Variants in CDH2 observed in about 807,000 individuals in gnomAD.
The protein encoded by CDH2 is cadherin 2, also known as cadherin-2.
In CDH2, 17 loss-of-function variants were observed where a neutral mutation model predicts 92.0. The observed-to-expected ratio is 0.18, with a 90% CI of 0.13 to 0.28. The LOEUF is 0.28. CDH2 is among the 10% of genes least tolerant of loss of function. The pLI is 1.00. For missense variants in CDH2, 862 were observed against 1,133.1 expected, an observed-to-expected ratio of 0.76 and a Z score of 3.44; for synonymous variants, 419 against 415.9, an observed-to-expected ratio of 1.01 and a Z score of -0.09.
At chr18:28,138,249 G>T (rs1175618700) in intron 2 of CDH2, among the ~76,000 whole-genome samples, 1 of 151,888 alleles carries the variant, frequency 6.6e-6, no homozygotes, top group African/African-American at 2.4e-5. Context: ...CAACCAAAAG[G>T]TCTAACATTT....
At chr18:27,965,711 G>GA (rs2011516359) in intron 14 of CDH2, among the ~76,000 whole-genome samples, 1 of 152,044 alleles carries the variant, frequency 6.6e-6, no homozygotes, top group Non-Finnish European at 1.5e-5. Context: ...TGCTATACAC[G>GA]ACAAAAAGAG....
intron 2 of CDH2, among the ~76,000 whole-genome samples, chr18:28,079,167 G>C (rs2014781067): frequency 6.6e-6 from 1 of 152,152 alleles, no homozygotes; most frequent in African/African-American, 2.4e-5. Flanking sequence ...CATTTCTCAA[G>C]ATAAAGCTGT....
In CDH2 at chr18:27,951,463, C is replaced by T. The variant is rs1465259907; in HGVS notation, c.*690G>A. ...ACATTATGTACACATACTATTTTTACAGTGAAGTGGAAAAATACAGAAATA... is the reference window on the plus strand; with the variant it reads ...ACATTATGTACACATACTATTTTTATAGTGAAGTGGAAAAATACAGAAATA... On this transcript the variant is annotated 3_prime_UTR_variant, in exon 16 of 16. Transcript: ENST00000269141. The T allele has an allele frequency of 6.6e-6, 1 of 152,184 alleles. No individual in the cohort carries two copies. The highest frequency in any genetic ancestry group is 1.5e-5 in the Non-Finnish European group (1 of 68,002). 9.4% of individuals were successfully genotyped at this position (152,184 alleles called of 1,614,324 possible). A position where few individuals can be genotyped will look rare whatever the true frequency, so the allele number is the denominator to read the frequency against.
intron 14 of CDH2, among the ~76,000 whole-genome samples, chr18:27,971,753 T>C (rs2011666467): frequency 6.6e-6 from 1 of 152,132 alleles, no homozygotes; most frequent in Non-Finnish European, 1.5e-5. Context: ...TTGGTAAAAA[T>C]GAATGAATAA....
chr18:28,086,590 A>G (rs1219091657), intron 2 of CDH2, among the ~76,000 whole-genome samples: 1 of 152,142 alleles, frequency 6.6e-6, no homozygotes, highest in African/African-American at 2.4e-5. Flanking sequence ...CTCTGGGGAC[A>G]CTGACCATGG....
At chr18:28,100,249 G>A (rs937999593) in intron 2 of CDH2, among the ~76,000 whole-genome samples, 9 of 152,324 alleles carry the variant, frequency 5.9e-5, no homozygotes, top group Admixed American at 3.3e-4. Flanking sequence ...TAATGTGGGT[G>A]AGGTTCATCC....
At chr18:28,066,376 A>AT (rs1319026319) in intron 2 of CDH2, among the ~76,000 whole-genome samples, 2 of 152,146 alleles carry the variant, frequency 1.3e-5, no homozygotes, top group African/African-American at 2.4e-5. Context: ...GTATTTTTAG[A>AT]TTTTAAGGTT....
chr18:28,116,300 T>C (rs531328973), intron 2 of CDH2, among the ~76,000 whole-genome samples: 12 of 152,328 alleles, frequency 7.9e-5, no homozygotes, highest in Non-Finnish European at 1.6e-4. Context: ...CTAGGCAAGA[T>C]AGTTTAATAA....
chr18:28,139,218 C>T (rs897475217), intron 2 of CDH2, among the ~76,000 whole-genome samples: 1 of 151,842 alleles, frequency 6.6e-6, no homozygotes, highest in South Asian at 2.1e-4. Flanking sequence ...TTTTTAAAAC[C>T]TCCTTGATCT....
chr18:28,011,982 T>A lies in CDH2; in HGVS notation c.410A>T (p.Glu137Val), dbSNP rs1396498254. The A allele has an allele frequency of 6.2e-7, 1 of 1,613,600 alleles. No homozygotes were observed. The highest frequency in any genetic ancestry group is 1.3e-5 in the African/African-American group (1 of 75,022). ...LTEESVKESA[E>V]VEEIVFPRQF... is the part of the protein sequence containing the mutation. ...TCTTGGGAACACTATTTCTTCAACT[T>A]CTGCTGACTCCTTTACATTAAAATA... is the stretch of plus-strand genomic sequence containing the variant. Residue 137 changes from glutamate (E) to valine (V), a missense_variant, in exon 4 of 16, where the codon GAA (glutamate) becomes GTA (valine). Transcript: ENST00000269141.
chr18:28,175,457 G>T (rs1296970332), intron 1 of CDH2, among the ~76,000 whole-genome samples: 1 of 152,186 alleles, frequency 6.6e-6, no homozygotes, highest in Non-Finnish European at 1.5e-5. Context: ...AGCACGACCC[G>T]GGAGGAGAGC....
At chr18:28,131,173 T>A (rs2015763233) in intron 2 of CDH2, among the ~76,000 whole-genome samples, 1 of 152,214 alleles carries the variant, frequency 6.6e-6, no homozygotes, top group East Asian at 1.9e-4. Flanking sequence ...TTGAAAGTTA[T>A]AATTCCCTTA....
At chr18:27,961,450 T>G (rs2011401776) in intron 15 of CDH2, among the ~76,000 whole-genome samples, 1 of 151,974 alleles carries the variant, frequency 6.6e-6, no homozygotes, top group South Asian at 2.1e-4. Flanking sequence ...AGAGAAATGT[T>G]TTGGCTGAAT....
chr18:28,092,427 C>T (rs2015052964), intron 2 of CDH2, among the ~76,000 whole-genome samples: 1 of 151,878 alleles, frequency 6.6e-6, no homozygotes, highest in Non-Finnish European at 1.5e-5. Context: ...AAAAGTAGCA[C>T]ACATAATTTT....
chr18:28,003,132 G>A lies in CDH2; in HGVS notation c.885C>T (p.Asp295=), dbSNP rs17493618. The change falls in exon 7 of 16, where the codon GAC becomes GAT. Residue 295 remains aspartate (D), a synonymous_variant. Coordinates refer to ENST00000269141, the MANE Select transcript of CDH2 (RefSeq NM_001792.5). ...YVMTVTAIDA[D]DPNALNGMLR... is the part of the protein sequence containing the mutation. ...ACATCCCATTGAGGGCATTGGGATC[G>A]TCAGCATCAATTGCTGTTACGGTCA... 899 of 1,613,740 alleles carry A rather than the reference G, an allele frequency of 5.6e-4. 6 individuals carry two copies. The African/African-American group carries it at 1.0e-2, about 18-fold the overall frequency.
intron 2 of CDH2, among the ~76,000 whole-genome samples, chr18:28,058,143 A>G (rs898880150): frequency 2.0e-5 from 3 of 152,238 alleles, no homozygotes; most frequent in African/African-American, 7.2e-5. Flanking sequence ...TGGTTGGATC[A>G]AAGCAGTACA....
rs762052700 is a variant in CDH2 at position 27,995,186 on chromosome 18, C to T, written c.1021-1549G>A. Among the ~76,000 whole-genome samples, 12 of 151,694 alleles carry T rather than the reference C, an allele frequency of 7.9e-5. No homozygotes were observed. The East Asian group carries it at 1.4e-3, about 17-fold the overall frequency. Reference sequence around the variant, plus strand: ...AAAATTAGCCAGGCGTGGTGGTGGGCGCCTGAAATCCCAGCTACTCGGGAG... The same window carrying T: ...AAAATTAGCCAGGCGTGGTGGTGGGTGCCTGAAATCCCAGCTACTCGGGAG... On this transcript the variant is annotated intron_variant, in intron 7 of 15. Coordinates refer to ENST00000269141, the MANE Select transcript of CDH2 (RefSeq NM_001792.5).
At chr18:28,072,125 T>G (rs1365659128) in intron 2 of CDH2, among the ~76,000 whole-genome samples, 1 of 152,122 alleles carries the variant, frequency 6.6e-6, no homozygotes, top group African/African-American at 2.4e-5. Context: ...TGTCCCCAAC[T>G]ATCAGGTTCT....
At chr18:28,058,141 TCAAAGCA>T (rs1485650474) in intron 2 of CDH2, among the ~76,000 whole-genome samples, 1 of 152,190 alleles carries the variant, frequency 6.6e-6, no homozygotes, top group Non-Finnish European at 1.5e-5. Flanking sequence ...TCTGGTTGGA[TCAAAGCA>T]GTACATGCAG....
Sources: allele counts gnomAD v4.1 joint callset (sites outside exome capture counted in the v4.1 genomes callset), GRCh38; gene constraint gnomAD v4.1.1; transcripts MANE v1.5; gene names NCBI Gene and HGNC (gene_info 2026-07-23, HGNC 2026-07-21).